Variants in HMGXB4 observed in about 807,000 individuals in gnomAD.
The protein encoded by HMGXB4 is HMG domain-containing protein 4.
In HMGXB4, 27 loss-of-function variants were observed where a neutral mutation model predicts 63.9. That is an observed-to-expected ratio of 0.42 (90% CI 0.31 to 0.58). The LOEUF (loss-of-function observed/expected upper bound fraction) is 0.58, where lower values mean the gene tolerates loss of function less well. Ranked by LOEUF, HMGXB4 falls within the 20% of genes least tolerant of loss-of-function variation. The pLI is 0.13. For missense variants in HMGXB4, 624 were observed against 700.7 expected (o/e 0.89, Z 1.24); for synonymous variants, 264 against 265.3 (o/e 0.99, Z 0.05).
chr22:35,251,345 GA>G, the HMGXB4 span, among the ~76,000 whole-genome samples: 1 of 152,148 alleles, frequency 6.6e-6, no homozygotes, highest in South Asian at 2.1e-4. Context: ...AAAGTGCTGG[GA>G]TTACAGGCAT....
At chr22:35,247,656 T>G in the HMGXB4 span, among the ~76,000 whole-genome samples, 1 of 152,126 alleles carries the variant, frequency 6.6e-6, no homozygotes, top group Non-Finnish European at 1.5e-5. Context: ...GCAGCCATAG[T>G]TTGTCTCCCT....
At chr22:35,253,525 T>G (rs1922274665), upstream of HMGXB4, among the ~76,000 whole-genome samples, 1 of 152,236 alleles carries the variant, frequency 6.6e-6, no homozygotes, top group South Asian at 2.1e-4. Context: ...CTTTGTGGTA[T>G]CCCAGGAACT....
At chr22:35,292,036 A>C (rs1444440628) in intron 9 of HMGXB4, among the ~76,000 whole-genome samples, 1 of 152,222 alleles carries the variant, frequency 6.6e-6, no homozygotes, top group Non-Finnish European at 1.5e-5. Flanking sequence ...CTAGATTTGC[A>C]TGGGAAGGTT....
Position 35,262,257 on chromosome 22 carries a change from A to T in HMGXB4, c.-68-66A>T, listed in dbSNP as rs187664028. On this transcript the variant is annotated intron_variant, in intron 1 of 10. Coordinates refer to ENST00000216106, the MANE Select transcript of HMGXB4 (RefSeq NM_001003681.3). ...AGCCCTTGGATCACTGCGCATTTCC[A>T]TCTGGAAGGTTGCTTCTCCTCAGTG... The T allele has an allele frequency of 2.1e-5, 18 of 867,892 alleles. No homozygotes were observed. In the African/African-American group the frequency reaches 2.5e-4, roughly 12 times the overall value. The allele number at this position is 867,892 out of a possible 1,614,324, so 53.8% of individuals were successfully genotyped here.
rs1289312837 is a variant in HMGXB4, at chr22:35,295,080, AAATTTGGTATGAGAT to A, written c.*1430_*1444del. On this transcript the variant is annotated 3_prime_UTR_variant, in exon 11 of 11. Transcript: ENST00000216106. ...AGTTGAGCACTTCAGGATGGTTTTT[AAATTTGGTATGAGAT>A]TCTCTGCCAACACCAAGCTCTGAGT... 4 of 151,930 alleles carry A rather than the reference AAATTTGGTATGAGAT, an allele frequency of 2.6e-5. No individual in the cohort carries two copies. The highest frequency in any genetic ancestry group is 5.9e-5 in the Non-Finnish European group (4 of 67,956). 9.4% of individuals were successfully genotyped at this position (151,930 alleles called of 1,614,324 possible). A position where few individuals can be genotyped will look rare whatever the true frequency, so the allele number is the denominator to read the frequency against.
chr22:35,287,670 C>T (rs532772868), intron 8 of HMGXB4, among the ~76,000 whole-genome samples: 2 of 151,390 alleles, frequency 1.3e-5, no homozygotes, highest in South Asian at 2.1e-4. Context: ...GAGAGTAGAC[C>T]AGGCGCAGTG....
rs749649230 is a variant in HMGXB4, at chr22:35,293,646, C to T, written c.1801C>T (p.Leu601=). ...LDNIAYIMPG[L] ...CAACATTGCTTACATCATGCCGGGA[C>T]TGTGACAGCAAAGAATCCTGGGACA... Residue 601 remains leucine (L), a synonymous_variant, in exon 11 of 11, where the codon CTG becomes TTG. Transcript: ENST00000216106. The T allele has an allele frequency of 4.3e-6, 7 of 1,610,342 alleles. No homozygotes were observed. The African/African-American group carries it at 8.0e-5, about 18-fold the overall frequency.
At chr22:35,241,887 A>G in the HMGXB4 span, among the ~76,000 whole-genome samples, 3 of 152,144 alleles carry the variant, frequency 2.0e-5, no homozygotes, top group East Asian at 1.9e-4. Flanking sequence ...TCACAATGCA[A>G]GCCTCAGCAC....
the HMGXB4 span, among the ~76,000 whole-genome samples, chr22:35,242,706 T>C: frequency 1.2e-3 from 185 of 152,322 alleles, 1 homozygote; most frequent in East Asian, 0.028. Context: ...GTTCTTGAGA[T>C]GGGAGCTTCA....
At chr22:35,255,983 C>T (rs1453049679), upstream of HMGXB4, among the ~76,000 whole-genome samples, 1 of 152,206 alleles carries the variant, frequency 6.6e-6, no homozygotes. Context: ...TAAGTATTTG[C>T]AGTTACATTT....
intron 5 of HMGXB4, among the ~76,000 whole-genome samples, chr22:35,270,172 A>G (rs1923519560): frequency 6.6e-6 from 1 of 152,160 alleles, no homozygotes; most frequent in Non-Finnish European, 1.5e-5. Flanking sequence ...CGGGCAAGCC[A>G]TTGAAGCTTC....
At chr22:35,248,622 C>T in the HMGXB4 span, among the ~76,000 whole-genome samples, 12 of 152,072 alleles carry the variant, frequency 7.9e-5, no homozygotes, top group South Asian at 1.7e-3. Context: ...CCAGGCTGGT[C>T]TCGAACTCCT....
chr22:35,247,217 T>C, the HMGXB4 span, among the ~76,000 whole-genome samples: 7 of 152,204 alleles, frequency 4.6e-5, no homozygotes, highest in East Asian at 7.7e-4. Context: ...TAAAAACAGT[T>C]TGATGCTTTC....
chr22:35,259,665 G>A (rs1245830310), intron 1 of HMGXB4, among the ~76,000 whole-genome samples: 1 of 152,154 alleles, frequency 6.6e-6, no homozygotes, highest in Non-Finnish European at 1.5e-5. Context: ...TTTAAAGAAC[G>A]TAGAAATTCA....
intron 5 of HMGXB4, among the ~76,000 whole-genome samples, chr22:35,274,603 G>A (rs557594161): frequency 1.3e-5 from 2 of 152,278 alleles, no homozygotes; most frequent in South Asian, 2.1e-4. Context: ...TTAAATAAAC[G>A]AAATAGCATG....
At chr22:35,267,705 T>G (rs1298055027) in intron 5 of HMGXB4, among the ~76,000 whole-genome samples, 2 of 152,180 alleles carry the variant, frequency 1.3e-5, no homozygotes, top group Non-Finnish European at 2.9e-5. Flanking sequence ...TCTCAACATT[T>G]TATTATGAAA....
chr22:35,243,444 C>T, the HMGXB4 span, among the ~76,000 whole-genome samples: 1 of 152,200 alleles, frequency 6.6e-6, no homozygotes, highest in African/African-American at 2.4e-5. Context: ...AACACTTTAC[C>T]AGCTATCTGG....
intron 7 of HMGXB4, among the ~76,000 whole-genome samples, chr22:35,286,453 T>A (rs901561726): frequency 6.6e-6 from 1 of 152,148 alleles, no homozygotes; most frequent in African/African-American, 2.4e-5. Context: ...AATAAAAATA[T>A]GAGAATGTGA....
intron 1 of HMGXB4, chr22:35,258,734 G>C (rs919326726): frequency 6.6e-6 from 1 of 152,254 alleles, no homozygotes; most frequent in Non-Finnish European, 1.5e-5. Context: ...TCAGAAATTG[G>C]CAACCGGCGG....
Sources: gnomAD v4.1 joint callset for allele counts (sites outside exome capture counted in the v4.1 genomes callset) on GRCh38, gnomAD v4.1.1 for gene constraint, MANE v1.5 for transcripts, NCBI Gene and HGNC (gene_info 2026-07-23, HGNC 2026-07-21) for gene names.